The following EYS variants were observed in gnomAD, a reference collection of about 807,000 sequenced individuals.
The protein encoded by EYS is EGF-like photoreceptor maintenance factor, also known as protein eyes shut homolog.
A neutral mutation model predicts 282.1 loss-of-function variants in EYS; 250 were observed. The ratio of observed to expected loss-of-function variants is 0.89; its 90% CI spans 0.80 to 0.98. The LOEUF (loss-of-function observed/expected upper bound fraction) is 0.98, where lower values mean the gene tolerates loss of function less well. Ranked by LOEUF, EYS falls within the 50% of genes least tolerant of loss-of-function variation. EYS has a pLI of 0.00. For missense variants in EYS, 4,016 were observed against 3,709.0 expected (o/e 1.08, Z -2.15); for synonymous variants, 1,355 against 1,282.9 (o/e 1.06, Z -1.20).
intron 10 of EYS, among the ~76,000 whole-genome samples, chr6:65,342,666 G>T (rs796510310): frequency 5.3e-5 from 8 of 150,608 alleles, no homozygotes; most frequent in African/African-American, 1.9e-4. Context: ...TGCAAATACA[G>T]TTGAAGGATG....
intron 14 of EYS, among the ~76,000 whole-genome samples, chr6:64,977,617 G>A (rs1029527024): frequency 6.7e-6 from 1 of 149,298 alleles, no homozygotes; most frequent in Admixed American, 6.7e-5. Flanking sequence ...AAAGCCAAGA[G>A]AGGCTGAAAG....
intron 22 of EYS, among the ~76,000 whole-genome samples, chr6:64,767,667 T>C (rs547235629): frequency 7.4e-4 from 113 of 152,310 alleles, no homozygotes; most frequent in African/African-American, 2.3e-3. Context: ...TACCACATTG[T>C]CTTTATTCGT....
At chr6:65,346,136 C>T (rs756716328) in intron 9 of EYS, among the ~76,000 whole-genome samples, 5 of 151,686 alleles carry the variant, frequency 3.3e-5, no homozygotes, top group Non-Finnish European at 4.4e-5. Flanking sequence ...GGTCCCCTAG[C>T]GAAAGCCTAG....
At chr6:65,371,993 TA>T (rs5876961) in intron 8 of EYS, among the ~76,000 whole-genome samples, 43,877 of 93,098 alleles carry the variant, frequency 0.47, 6,818 homozygotes, top group Non-Finnish European at 0.51. Flanking sequence ...AGGATAATTG[TA>T]AAAAAAAAAA....
chr6:64,094,167 T>C (rs149032302), intron 31 of EYS, among the ~76,000 whole-genome samples: 1,985 of 152,330 alleles, frequency 0.013, 42 homozygotes, highest in African/African-American at 0.045. Flanking sequence ...CAGTATTTTA[T>C]TGAGGATTTT....
chr6:65,668,542 A>G (rs1768275509), intron 1 of EYS, among the ~76,000 whole-genome samples: 1 of 151,850 alleles, frequency 6.6e-6, no homozygotes, highest in South Asian at 2.1e-4. Flanking sequence ...AGCCAACAAA[A>G]CAAAAAAATA....
At chr6:63,988,762 A>G (rs1256284510) in intron 34 of EYS, among the ~76,000 whole-genome samples, 2 of 151,700 alleles carry the variant, frequency 1.3e-5, no homozygotes, top group Non-Finnish European at 3.0e-5. Context: ...CATGAAAATA[A>G]TAAAAAGTAT....
chr6:64,306,204 G>T (rs1199035323), intron 30 of EYS, among the ~76,000 whole-genome samples: 1 of 152,014 alleles, frequency 6.6e-6, no homozygotes, highest in Non-Finnish European at 1.5e-5. Context: ...AGGAAAAGAG[G>T]GTCCAAAAAT....
At position 64,311,979 on chromosome 6, in the gene EYS, G is replaced by GTTTTTTTTTTTTT. The variant is rs61332669; in HGVS notation, c.6079-4910_6079-4898dup. Among the ~76,000 whole-genome samples the GTTTTTTTTTTTTT allele has an allele frequency of 5.0e-3, 700 of 139,868 alleles. 19 individuals are homozygous for GTTTTTTTTTTTTT. Among genetic ancestry groups the GTTTTTTTTTTTTT allele is most frequent in the African/African-American group, 0.019 (667 of 35,660 alleles). 91.8% of individuals were successfully genotyped at this position (139,868 alleles called of 152,430 possible). A position where few individuals can be genotyped will look rare whatever the true frequency, so the allele number is the denominator to read the frequency against. On this transcript the variant is annotated intron_variant, in intron 29 of 42. Coordinates refer to ENST00000503581, the MANE Select transcript of EYS (RefSeq NM_001142800.2). ...GAAGCCACTGAGCTAGCTGCAGAAG[G>GTTTTTTTTTTTTT]TTTTTTTTTTTTTCATACCCCAGTG...
intron 22 of EYS, among the ~76,000 whole-genome samples, chr6:64,690,127 A>C (rs1354258155): frequency 1.3e-5 from 2 of 151,954 alleles, no homozygotes; most frequent in African/African-American, 4.8e-5. Context: ...AAACAAATTT[A>C]CAAGAAAAAA....
At chr6:64,217,246 G>C (rs971383739) in intron 31 of EYS, among the ~76,000 whole-genome samples, 2 of 152,138 alleles carry the variant, frequency 1.3e-5, no homozygotes, top group African/African-American at 2.4e-5. Flanking sequence ...ACTGCAGAAA[G>C]AGCCGAGAAT....
intron 5 of EYS, among the ~76,000 whole-genome samples, chr6:65,453,523 T>C (rs1054521175): frequency 2.0e-5 from 3 of 152,084 alleles, no homozygotes; most frequent in African/African-American, 4.8e-5. Context: ...CCTTTCTTTG[T>C]GATGAGAACA....
At chr6:64,468,342 T>A (rs1361180108) in intron 26 of EYS, among the ~76,000 whole-genome samples, 1 of 152,204 alleles carries the variant, frequency 6.6e-6, no homozygotes, top group African/African-American at 2.4e-5. Flanking sequence ...CTGAACAACA[T>A]CATAAATACA....
chr6:65,115,737 C>T (rs113205212), intron 12 of EYS, among the ~76,000 whole-genome samples: 30 of 151,948 alleles, frequency 2.0e-4, no homozygotes, highest in South Asian at 6.2e-4. Flanking sequence ...TATTATCCAC[C>T]GGAGGCCATC....
chr6:65,540,401 C>T (rs1007372708), intron 2 of EYS, among the ~76,000 whole-genome samples: 27 of 152,028 alleles, frequency 1.8e-4, no homozygotes, highest in African/African-American at 5.8e-4. Context: ...TTGTTAAATG[C>T]AAGCAGATAA....
At chr6:64,081,386 T>C (rs1273577599) in intron 32 of EYS, among the ~76,000 whole-genome samples, 1 of 151,620 alleles carries the variant, frequency 6.6e-6, no homozygotes, top group Admixed American at 6.6e-5. Flanking sequence ...CTTAAGCAAA[T>C]ACTGTTAATA....
chr6:65,619,461 A>G (rs930150008), intron 2 of EYS, among the ~76,000 whole-genome samples: 3 of 152,272 alleles, frequency 2.0e-5, no homozygotes, highest in Non-Finnish European at 2.9e-5. Flanking sequence ...GGGCTGAGAC[A>G]ATGGGGTTTT....
intron 12 of EYS, among the ~76,000 whole-genome samples, chr6:65,273,465 TTACTC>T (rs111358501): frequency 0.036 from 5,404 of 152,114 alleles, 303 homozygotes; most frequent in African/African-American, 0.12. Context: ...AGAACAAACT[TTACTC>T]TACCTAGCAA....
chr6:65,327,919 T>C (rs187422100), intron 11 of EYS, among the ~76,000 whole-genome samples: 93 of 151,532 alleles, frequency 6.1e-4, no homozygotes, highest in South Asian at 2.7e-3. Flanking sequence ...TTCTAAGAAA[T>C]TTCTGAATGA....
Sources: gnomAD v4.1 joint callset for allele counts (sites outside exome capture counted in the v4.1 genomes callset) on GRCh38, gnomAD v4.1.1 for gene constraint, MANE v1.5 for transcripts, NCBI Gene and HGNC (gene_info 2026-07-23, HGNC 2026-07-21) for gene names.